The following PCDH7 variants were observed in gnomAD, a reference collection of about 807,000 sequenced individuals.
PCDH7 encodes protocadherin-7.
PCDH7 carries 17 observed loss-of-function variants against 58.9 expected under a neutral mutation model. That is an observed-to-expected ratio of 0.29 (90% CI 0.20 to 0.43). The LOEUF is 0.43. Ranked by LOEUF, PCDH7 falls within the 20% of genes least tolerant of loss-of-function variation. PCDH7 has a pLI of 1.00. For missense variants in PCDH7, 1,274 were observed against 1,441.0 expected, an observed-to-expected ratio of 0.88 and a Z score of 1.88; for synonymous variants, 664 against 616.4, an observed-to-expected ratio of 1.08 and a Z score of -1.14.
Position 31,119,783 on chromosome 4 carries a change from C to T in PCDH7, c.*8-22690C>T, listed in dbSNP as rs531346351. Among the ~76,000 whole-genome samples, 7 of 152,188 alleles carry T rather than the reference C, an allele frequency of 4.6e-5. No homozygotes were observed. In the South Asian group the frequency reaches 1.5e-3, roughly 32 times the overall value. Reference sequence around the variant, plus strand: ...ATGCAGTGTGTGTACTGGAGTTATACACATGCTCCAGAAGAACCTGAGGCA... The same window carrying T: ...ATGCAGTGTGTGTACTGGAGTTATATACATGCTCCAGAAGAACCTGAGGCA... On this transcript the variant is annotated intron_variant, in intron 3 of 3. Coordinates refer to the PCDH7 transcript ENST00000509759.
chr4:30,760,415 A>G (rs540648696), intron 1 of PCDH7, among the ~76,000 whole-genome samples: 30 of 152,298 alleles, frequency 2.0e-4, no homozygotes, highest in Admixed American at 7.9e-4. Context: ...GTCTTTGTTT[A>G]CTGATGACAT....
intron 3 of PCDH7, among the ~76,000 whole-genome samples, chr4:31,079,534 G>T (rs75810933): frequency 6.6e-6 from 1 of 150,382 alleles, no homozygotes; most frequent in Non-Finnish European, 1.5e-5. Flanking sequence ...CCAACAGCAC[G>T]TAATACCAAG....
At chr4:30,980,261 A>C (rs1287930618) in intron 3 of PCDH7, among the ~76,000 whole-genome samples, 1 of 152,232 alleles carries the variant, frequency 6.6e-6, no homozygotes, top group Non-Finnish European at 1.5e-5. Context: ...CATTTTTCTA[A>C]ATATAAGAGT....
At position 30,993,667 on chromosome 4, in the gene PCDH7, T is replaced by C. The variant is rs111472802; in HGVS notation, c.*7+43452T>C. 1.4e-3 allele frequency among the ~76,000 whole-genome samples: 206 copies of C among 152,220 alleles called. 2 individuals carry two copies. The highest frequency in any genetic ancestry group is 2.2e-3 in the Non-Finnish European group (153 of 68,004). The stretch of plus-strand genomic sequence containing the variant: ...AAGCCAGTACACAAGAAAAAAAATG[T>C]AGAAGTTTTATTTTTTATTATTTTT... On this transcript the variant is annotated intron_variant, in intron 3 of 3. Coordinates refer to the PCDH7 transcript ENST00000509759.
chr4:31,119,402 T>C (rs1717380946), intron 3 of PCDH7, among the ~76,000 whole-genome samples: 1 of 152,094 alleles, frequency 6.6e-6, no homozygotes. Context: ...GCTGAAAATC[T>C]ATATAAAGTT....
intron 1 of PCDH7, among the ~76,000 whole-genome samples, chr4:30,775,334 G>A (rs1261256116): frequency 2.0e-5 from 3 of 152,098 alleles, no homozygotes; most frequent in Non-Finnish European, 2.9e-5. Flanking sequence ...ATGCATAGAG[G>A]GGAATAAGTT....
intron 1 of PCDH7, among the ~76,000 whole-genome samples, chr4:30,800,462 G>A (rs1248085292): frequency 3.3e-5 from 5 of 152,148 alleles, no homozygotes; most frequent in African/African-American, 4.8e-5. Context: ...GCTGAGTAGC[G>A]ACTTTAGCCC....
chr4:30,971,818 C>T (rs907293019), intron 3 of PCDH7, among the ~76,000 whole-genome samples: 12 of 152,194 alleles, frequency 7.9e-5, no homozygotes, highest in South Asian at 4.1e-4. Flanking sequence ...AAAAATTAGC[C>T]GTGCATGGTG....
intron 3 of PCDH7, among the ~76,000 whole-genome samples, chr4:31,080,600 A>G (rs1400267856): frequency 6.6e-6 from 1 of 152,212 alleles, no homozygotes; most frequent in African/African-American, 2.4e-5. Flanking sequence ...TTTAGAAAAA[A>G]AAGTGTAATT....
chr4:31,018,442 G>A (rs965340273), intron 3 of PCDH7, among the ~76,000 whole-genome samples: 1 of 152,012 alleles, frequency 6.6e-6, no homozygotes, highest in African/African-American at 2.4e-5. Context: ...CAATTTACCT[G>A]GCATGTACCT....
intron 1 of PCDH7, among the ~76,000 whole-genome samples, chr4:30,880,760 A>G (rs539816016): frequency 6.6e-6 from 1 of 152,338 alleles, no homozygotes; most frequent in South Asian, 2.1e-4. Context: ...AAAATAATAT[A>G]GAGTAACACA....
chr4:30,989,481 T>A (rs1751273421), intron 3 of PCDH7, among the ~76,000 whole-genome samples: 1 of 152,208 alleles, frequency 6.6e-6, no homozygotes, highest in South Asian at 2.1e-4. Flanking sequence ...AATGTCTGTG[T>A]AGTGTCTGTA....
At chr4:31,000,260 T>C (rs1434848595) in intron 3 of PCDH7, among the ~76,000 whole-genome samples, 1 of 152,046 alleles carries the variant, frequency 6.6e-6, no homozygotes, top group Admixed American at 6.6e-5. Context: ...GAAAATAAGG[T>C]TAGTAGGTGT....
chr4:30,933,345 A>G (rs1217089121), intron 2 of PCDH7, among the ~76,000 whole-genome samples: 1 of 151,924 alleles, frequency 6.6e-6, no homozygotes, highest in Non-Finnish European at 1.5e-5. Context: ...TAATCCACAC[A>G]CTGAGGCCTG....
chr4:30,854,597 CAG>C (rs1257153088), intron 1 of PCDH7, among the ~76,000 whole-genome samples: 3 of 151,842 alleles, frequency 2.0e-5, no homozygotes, highest in Non-Finnish European at 4.4e-5. Flanking sequence ...ATTTCAGAGA[CAG>C]AAAGTCCTCG....
At chr4:30,769,120 C>G (rs1721089923) in intron 1 of PCDH7, among the ~76,000 whole-genome samples, 2 of 152,198 alleles carry the variant, frequency 1.3e-5, no homozygotes, top group Non-Finnish European at 2.9e-5. Flanking sequence ...GTTTCTCCAA[C>G]ATAGAAGTAG....
chr4:30,903,616 T>G (rs1022626674), intron 1 of PCDH7, among the ~76,000 whole-genome samples: 1 of 152,232 alleles, frequency 6.6e-6, no homozygotes, highest in East Asian at 1.9e-4. Flanking sequence ...ATGGAAAGAT[T>G]ATCCTTTATA....
At chr4:31,093,892 A>T (rs1713597584) in intron 3 of PCDH7, among the ~76,000 whole-genome samples, 1 of 152,114 alleles carries the variant, frequency 6.6e-6, no homozygotes, top group Non-Finnish European at 1.5e-5. Context: ...TTGATTATAA[A>T]TTTTTATCAG....
intron 3 of PCDH7, among the ~76,000 whole-genome samples, chr4:31,076,851 A>T (rs1346916166): frequency 6.6e-6 from 1 of 152,188 alleles, no homozygotes; most frequent in East Asian, 1.9e-4. Context: ...ATTCTTATTC[A>T]TGTCAAACAA....
Sources: allele counts gnomAD v4.1 joint callset (sites outside exome capture counted in the v4.1 genomes callset), GRCh38; gene constraint gnomAD v4.1.1; transcripts MANE v1.5; gene names NCBI Gene and HGNC (gene_info 2026-07-23, HGNC 2026-07-21).